PLCL1: variants seen among roughly 807,000 people sequenced by gnomAD.
PLCL1 encodes inactive phospholipase C-like protein 1.
PLCL1 carries 41 observed loss-of-function variants against 84.4 expected under a neutral mutation model. That is an observed-to-expected ratio of 0.49 (90% CI 0.38 to 0.63). The LOEUF (loss-of-function observed/expected upper bound fraction) is 0.63. Ranked by LOEUF, PLCL1 falls within the 30% of genes least tolerant of loss-of-function variation. The probability of loss-of-function intolerance (pLI) is 0.00; values close to 1 mark genes in which losing one functional copy is unlikely to be tolerated. For missense variants in PLCL1, 1,206 were observed against 1,367.8 expected (o/e 0.88, Z 1.87); for synonymous variants, 490 against 488.3 (o/e 1.00, Z -0.05).
At chr2:197,828,609 T>C (rs1471022480) in intron 1 of PLCL1, among the ~76,000 whole-genome samples, 1 of 152,158 alleles carries the variant, frequency 6.6e-6, no homozygotes, top group Admixed American at 6.6e-5. Context: ...CTTTGCAATG[T>C]CAAAGGAAAT....
intron 1 of PLCL1, among the ~76,000 whole-genome samples, chr2:197,865,478 C>T (rs1161664734): frequency 2.6e-5 from 4 of 152,114 alleles, no homozygotes; most frequent in African/African-American, 9.6e-5. Flanking sequence ...AGCTCACATG[C>T]AATAAGATGG....
intron 1 of PLCL1, among the ~76,000 whole-genome samples, chr2:198,070,039 C>G (rs1428506401): frequency 6.6e-6 from 1 of 152,088 alleles, no homozygotes; most frequent in Non-Finnish European, 1.5e-5. Context: ...AGTTACATAT[C>G]TAGACATGAA....
chr2:197,868,380 C>T (rs182299702), intron 1 of PLCL1, among the ~76,000 whole-genome samples: 97 of 152,296 alleles, frequency 6.4e-4, no homozygotes, highest in African/African-American at 2.2e-3. Flanking sequence ...GCTGAATTGG[C>T]TCGTGAGATA....
At chr2:197,915,493 A>T (rs900881770) in intron 1 of PLCL1, among the ~76,000 whole-genome samples, 7 of 152,130 alleles carry the variant, frequency 4.6e-5, no homozygotes, top group African/African-American at 1.7e-4. Context: ...TTTTAAACCA[A>T]ACCTCAAAAT....
intron 1 of PLCL1, among the ~76,000 whole-genome samples, chr2:198,059,525 G>A (rs1692143306): frequency 6.6e-6 from 1 of 152,130 alleles, no homozygotes; most frequent in Non-Finnish European, 1.5e-5. Flanking sequence ...TTCATTTGTG[G>A]AGGAAGAAGT....
chr2:197,885,399 A>C (rs1208560536), intron 1 of PLCL1, among the ~76,000 whole-genome samples: 1 of 152,198 alleles, frequency 6.6e-6, no homozygotes, highest in Non-Finnish European at 1.5e-5. Context: ...TTCCCAGCTC[A>C]AGTGGTGAGA....
intron 1 of PLCL1, among the ~76,000 whole-genome samples, chr2:197,935,086 C>A (rs1037201960): frequency 1.3e-5 from 2 of 152,006 alleles, no homozygotes; most frequent in African/African-American, 4.8e-5. Flanking sequence ...CAACGAGATA[C>A]CATCTTACAC....
intron 5 of PLCL1, among the ~76,000 whole-genome samples, chr2:198,127,873 T>C (rs2105933535): frequency 6.6e-6 from 1 of 152,298 alleles, no homozygotes; most frequent in Non-Finnish European, 1.5e-5. Context: ...ATCTTCATTT[T>C]CTGGAGGTAG....
intron 3 of PLCL1, among the ~76,000 whole-genome samples, chr2:198,094,085 G>A (rs1559103178): frequency 6.6e-6 from 1 of 151,496 alleles, no homozygotes; most frequent in Admixed American, 6.6e-5. Context: ...TTTTGGAAAC[G>A]GAGTCTCACT....
intron 1 of PLCL1, among the ~76,000 whole-genome samples, chr2:198,015,206 A>G (rs900006087): frequency 6.6e-6 from 1 of 152,112 alleles, no homozygotes; most frequent in Non-Finnish European, 1.5e-5. Context: ...CTATCTATCT[A>G]TCTATCTACA....
chr2:197,850,543 A>G (rs927864839), intron 1 of PLCL1, among the ~76,000 whole-genome samples: 1 of 152,192 alleles, frequency 6.6e-6, no homozygotes, highest in African/African-American at 2.4e-5. Context: ...GAGAAAAATT[A>G]GGAGGGTTCA....
intron 1 of PLCL1, among the ~76,000 whole-genome samples, chr2:197,881,943 G>A (rs1159425880): frequency 6.6e-6 from 1 of 151,840 alleles, no homozygotes; most frequent in East Asian, 1.9e-4. Flanking sequence ...TAAATATTTT[G>A]TATTTATATG....
At chr2:197,947,249 T>TATATAG (rs1689296575) in intron 1 of PLCL1, among the ~76,000 whole-genome samples, 1 of 148,530 alleles carries the variant, frequency 6.7e-6, no homozygotes, top group African/African-American at 2.5e-5. Context: ...TATATATATA[T>TATATAG]ATATATATAT....
At chr2:197,908,752 A>T (rs1216018505) in intron 1 of PLCL1, among the ~76,000 whole-genome samples, 1 of 152,202 alleles carries the variant, frequency 6.6e-6, no homozygotes, top group African/African-American at 2.4e-5. Flanking sequence ...TATTTGCAGT[A>T]TAGAAGAGGT....
intron 1 of PLCL1, among the ~76,000 whole-genome samples, chr2:198,012,764 C>A (rs1311409993): frequency 6.7e-6 from 1 of 150,182 alleles, no homozygotes; most frequent in African/African-American, 2.4e-5. Context: ...ATATATAAAC[C>A]TTAACGAGTT....
chr2:197,919,813 C>T (rs1462753240), intron 1 of PLCL1, among the ~76,000 whole-genome samples: 1 of 152,176 alleles, frequency 6.6e-6, no homozygotes, highest in Non-Finnish European at 1.5e-5. Context: ...AGAGCACTCT[C>T]CTGATGACCT....
intron 5 of PLCL1, among the ~76,000 whole-genome samples, chr2:198,104,804 T>C (rs1341143153): frequency 1.3e-5 from 2 of 152,106 alleles, no homozygotes; most frequent in African/African-American, 4.8e-5. Context: ...CCTTTTTATA[T>C]GCTTGTTGGC....
At chr2:197,821,776 T>C (rs1222766924) in intron 1 of PLCL1, among the ~76,000 whole-genome samples, 1 of 152,148 alleles carries the variant, frequency 6.6e-6, no homozygotes, top group Non-Finnish European at 1.5e-5. Flanking sequence ...AGGATGGCCA[T>C]GTGCTTAGGT....
At chr2:197,998,998 T>C (rs1336693090) in intron 1 of PLCL1, among the ~76,000 whole-genome samples, 4 of 152,190 alleles carry the variant, frequency 2.6e-5, no homozygotes, top group African/African-American at 9.7e-5. Flanking sequence ...TAGTGAGAGC[T>C]ACAGCTCTGG....
Sources: allele counts gnomAD v4.1 joint callset (sites outside exome capture counted in the v4.1 genomes callset), GRCh38; gene constraint gnomAD v4.1.1; transcripts MANE v1.5; gene names NCBI Gene and HGNC (gene_info 2026-07-23, HGNC 2026-07-21).